Variants in KCNC4 observed in about 807,000 individuals in gnomAD.
The protein encoded by KCNC4 is voltage-gated potassium channel KCNC4.
KCNC4 carries 23 observed loss-of-function variants against 42.8 expected under a neutral mutation model. That is an observed-to-expected ratio of 0.54 (90% CI 0.39 to 0.76). KCNC4 has a LOEUF of 0.76. Ranked by LOEUF, KCNC4 falls within the 30% of genes least tolerant of loss-of-function variation. The pLI, the probability that KCNC4 is intolerant of heterozygous loss-of-function variation, is 0.00. For synonymous variants in KCNC4, 422 were observed against 393.5 expected (o/e 1.07, Z -0.86); for missense variants, 751 against 898.2 (o/e 0.84, Z 2.10).
At chr1:110,273,989 G>C (rs1659677169) in intron 1 of KCNC4, among the ~76,000 whole-genome samples, 1 of 152,148 alleles carries the variant, frequency 6.6e-6, no homozygotes, top group East Asian at 1.9e-4. Context: ...GTCATAGACA[G>C]AGCAATCAGG....
chr1:110,228,680 CT>C (rs1186939209), intron 3 of KCNC4: 2 of 152,772 alleles, frequency 1.3e-5, no homozygotes, highest in African/African-American at 4.8e-5. Flanking sequence ...GGCCCACCCC[CT>C]GGTCACTCTG....
downstream of KCNC4, chr1:110,234,132 T>A (rs916725925): frequency 1.3e-5 from 2 of 152,134 alleles, no homozygotes; most frequent in Middle Eastern, 3.2e-3. Flanking sequence ...GTGCACACAC[T>A]CAGCATAACC....
intron 1 of KCNC4, among the ~76,000 whole-genome samples, chr1:110,278,554 C>T (rs527414762): frequency 2.6e-4 from 40 of 152,284 alleles, no homozygotes; most frequent in Admixed American, 5.9e-4. Context: ...TCAAAGTTCT[C>T]TCCCACTTAT....
Position 110,222,956 on chromosome 1 carries a change from G to GC in KCNC4, c.679-5dup. ...CAGCTGCCCCCTGCTCTCCTCCCCT[G>GC]CCCATAGGTAGTGGCCTTTGCCTCT... On this transcript the variant is annotated splice_region_variant and splice_polypyrimidine_tract_variant and intron_variant, in intron 1 of 3. Transcript: ENST00000438661. 6.2e-7 allele frequency: 1 copy of GC among 1,607,700 alleles called. No homozygotes were observed. Among genetic ancestry groups the GC allele is most frequent in the South Asian group, 1.1e-5 (1 of 90,828 alleles).
intron 1 of KCNC4, among the ~76,000 whole-genome samples, chr1:110,215,051 G>A (rs1372925767): frequency 6.6e-6 from 1 of 152,264 alleles, no homozygotes; most frequent in Admixed American, 6.5e-5. Context: ...GTGGGGTGGT[G>A]GGCGAAGAGG....
At chr1:110,213,434 C>G (rs1268370030) in intron 1 of KCNC4, among the ~76,000 whole-genome samples, 1 of 152,166 alleles carries the variant, frequency 6.6e-6, no homozygotes. Flanking sequence ...CACCCCTGTG[C>G]TGGACTCCTT....
At chr1:110,268,736 T>TA (rs1209727084) in intron 1 of KCNC4, among the ~76,000 whole-genome samples, 2 of 147,818 alleles carry the variant, frequency 1.4e-5, no homozygotes, top group African/African-American at 5.0e-5. Flanking sequence ...TTTTATTTTT[T>TA]TTTTTTTTTG....
intron 1 of KCNC4, among the ~76,000 whole-genome samples, chr1:110,280,775 G>T (rs150467339): frequency 6.6e-6 from 1 of 152,200 alleles, no homozygotes; most frequent in African/African-American, 2.4e-5. Flanking sequence ...ATATTTAATT[G>T]GGTGTCTTGT....
intron 3 of KCNC4, chr1:110,232,698 C>A: frequency 6.7e-7 from 1 of 1,488,942 alleles, no homozygotes; most frequent in Non-Finnish European, 8.9e-7. Flanking sequence ...CTCTTCCTGG[C>A]CTTTTAGCCC....
intron 1 of KCNC4, among the ~76,000 whole-genome samples, chr1:110,213,466 G>T (rs991656056): frequency 6.6e-6 from 1 of 152,198 alleles, no homozygotes; most frequent in African/African-American, 2.4e-5. Flanking sequence ...AAGAAGGCAG[G>T]GTAGGGAATT....
chr1:110,254,713 T>C (rs951612798), intron 1 of KCNC4, among the ~76,000 whole-genome samples: 1 of 152,194 alleles, frequency 6.6e-6, no homozygotes, highest in Non-Finnish European at 1.5e-5. Flanking sequence ...AGGAATATAT[T>C]CAAACCATCA....
intron 1 of KCNC4, among the ~76,000 whole-genome samples, chr1:110,217,872 T>C (rs1252254267): frequency 6.6e-6 from 1 of 152,144 alleles, no homozygotes; most frequent in Non-Finnish European, 1.5e-5. Flanking sequence ...GACCTTCTCA[T>C]TTCCTGCCTC....
chr1:110,259,518 G>A (rs1368554441), intron 1 of KCNC4, among the ~76,000 whole-genome samples: 1 of 152,186 alleles, frequency 6.6e-6, no homozygotes, highest in African/African-American at 2.4e-5. Context: ...GATGTTCACA[G>A]TGCTGGACCT....
exon 4 of KCNC4, chr1:110,241,238 C>G (rs1659027144): frequency 6.6e-6 from 1 of 152,262 alleles, no homozygotes; most frequent in Non-Finnish European, 1.5e-5. Flanking sequence ...CTACTGTCCC[C>G]TTACATACTG....
intron 1 of KCNC4, among the ~76,000 whole-genome samples, chr1:110,282,108 C>T (rs748768155): frequency 1.3e-5 from 2 of 152,336 alleles, no homozygotes; most frequent in African/African-American, 2.4e-5. Context: ...GTCCCACCCC[C>T]GAGTCATTCT....
chr1:110,216,268 G>A (rs1657786480), intron 1 of KCNC4, among the ~76,000 whole-genome samples: 1 of 152,218 alleles, frequency 6.6e-6, no homozygotes, highest in Non-Finnish European at 1.5e-5. Flanking sequence ...TGTGCCCTCT[G>A]AGCTAGGGTG....
exon 4 of KCNC4, chr1:110,245,898 AT>A (rs932788372): frequency 9.3e-4 from 142 of 152,348 alleles, no homozygotes; most frequent in African/African-American, 3.3e-3. Context: ...TCTTTGTACT[AT>A]CTGTGCCTGT....
At chr1:110,239,555 T>G (rs769493368) in exon 4 of KCNC4, 1 of 152,188 alleles carries the variant, frequency 6.6e-6, no homozygotes, top group Non-Finnish European at 1.5e-5. Context: ...CTAGGGCCTA[T>G]AGGGGCTCGG....
chr1:110,249,850 T>C (rs1330011721), downstream of KCNC4, among the ~76,000 whole-genome samples: 1 of 152,150 alleles, frequency 6.6e-6, no homozygotes, highest in Non-Finnish European at 1.5e-5. Context: ...CAGAACTCTT[T>C]CTGTCTTCCC....
Sources: gnomAD v4.1 joint callset for allele counts (sites outside exome capture counted in the v4.1 genomes callset) on GRCh38, gnomAD v4.1.1 for gene constraint, MANE v1.5 for transcripts, NCBI Gene and HGNC (gene_info 2026-07-23, HGNC 2026-07-21) for gene names.